Variants in SPAG16 observed in about 807,000 individuals in gnomAD.
SPAG16 encodes sperm-associated antigen 16 protein.
A neutral mutation model predicts 80.4 loss-of-function variants in SPAG16; 86 were observed. That is an observed-to-expected ratio of 1.07 (90% CI 0.90 to 1.28). The LOEUF is 1.28. SPAG16 is among the 50% of genes most tolerant of loss of function. The probability of loss-of-function intolerance (pLI) is 0.00; values close to 1 mark genes in which losing one functional copy is unlikely to be tolerated. For synonymous variants in SPAG16, 294 were observed against 265.9 expected (o/e 1.11, Z -1.03); for missense variants, 870 against 765.3 (o/e 1.14, Z -1.61).
intron 8 of SPAG16, among the ~76,000 whole-genome samples, chr2:213,371,061 T>C (rs779001201): frequency 6.6e-6 from 1 of 152,166 alleles, no homozygotes; most frequent in Non-Finnish European, 1.5e-5. Context: ...TGTGGTCCCT[T>C]AGACTCTGTC....
intron 10 of SPAG16, among the ~76,000 whole-genome samples, chr2:213,610,315 C>T (rs2125014111): frequency 6.6e-6 from 1 of 152,184 alleles, no homozygotes; most frequent in East Asian, 1.9e-4. Flanking sequence ...CTTGATGTAG[C>T]CAGGTTTTCT....
chr2:213,517,935 A>C (rs898208340), intron 10 of SPAG16, among the ~76,000 whole-genome samples: 2 of 152,238 alleles, frequency 1.3e-5, no homozygotes, highest in Admixed American at 1.3e-4. Context: ...GAACTTCAAC[A>C]AAAACAAAAA....
intron 15 of SPAG16, among the ~76,000 whole-genome samples, chr2:214,176,322 T>C (rs1286056593): frequency 6.6e-6 from 1 of 151,258 alleles, no homozygotes; most frequent in Non-Finnish European, 1.5e-5. Context: ...GTGCTATAGA[T>C]AGTCATCCAT....
Position 213,777,181 on chromosome 2 carries a change from T to G in SPAG16, c.1071-85304T>G, listed in dbSNP as rs376246820. Among the ~76,000 whole-genome samples, 10 of 151,502 alleles carry G rather than the reference T, an allele frequency of 6.6e-5. No individual in the cohort carries two copies. The East Asian group carries it at 1.7e-3, about 26-fold the overall frequency. ...TAAATTCAACTATTCTGACAATATA[T>G]TAATACTAACCCCAAATCTTCTGGT... On this transcript the variant is annotated intron_variant, in intron 10 of 15. Coordinates refer to ENST00000331683, the MANE Select transcript of SPAG16 (RefSeq NM_024532.5).
chr2:214,016,445 CAT>C (rs1231187506), intron 13 of SPAG16, among the ~76,000 whole-genome samples: 1 of 152,128 alleles, frequency 6.6e-6, no homozygotes, highest in African/African-American at 2.4e-5. Flanking sequence ...CCTCCCATGA[CAT>C]GTGGGGATTA....
At chr2:213,310,023 G>A (rs1481843648) in intron 3 of SPAG16, 36 bp from the exon 4 acceptor site, 3 of 1,331,152 alleles carry the variant, frequency 2.3e-6, no homozygotes. Flanking sequence ...ATGCTTTGAT[G>A]TTTTCAGAAT....
intron 14 of SPAG16, among the ~76,000 whole-genome samples, chr2:214,127,002 G>A (rs745727947): frequency 2.0e-5 from 3 of 151,780 alleles, no homozygotes; most frequent in Non-Finnish European, 2.9e-5. Flanking sequence ...GAATTCAGTA[G>A]ATAAAAATAT....
At chr2:213,593,869 G>A (rs1386041702) in intron 10 of SPAG16, among the ~76,000 whole-genome samples, 3 of 140,466 alleles carry the variant, frequency 2.1e-5, no homozygotes, top group African/African-American at 7.9e-5. Context: ...CCGCCTCCCC[G>A]GTTCCCGCTA....
chr2:214,337,923 G>T (rs1697408121), intron 15 of SPAG16, among the ~76,000 whole-genome samples: 1 of 151,480 alleles, frequency 6.6e-6, no homozygotes. Context: ...TTTTTTTCTA[G>T]CAAAGAACTT....
chr2:213,381,922 C>T (rs916502990), intron 9 of SPAG16, among the ~76,000 whole-genome samples: 4 of 152,150 alleles, frequency 2.6e-5, no homozygotes, highest in African/African-American at 7.2e-5. Context: ...TTTCTGTTCA[C>T]CTGAAGGCTT....
At chr2:214,380,634 A>G (rs1405092115) in intron 15 of SPAG16, among the ~76,000 whole-genome samples, 2 of 152,250 alleles carry the variant, frequency 1.3e-5, no homozygotes, top group Admixed American at 6.5e-5. Context: ...TAACACATAA[A>G]GAACTTAAAA....
intron 10 of SPAG16, among the ~76,000 whole-genome samples, chr2:213,527,278 TTC>T (rs1237471219): frequency 1.3e-5 from 2 of 152,218 alleles, no homozygotes; most frequent in Non-Finnish European, 2.9e-5. Context: ...ACTGGTTTGC[TTC>T]TTGTGAGTGT....
intron 9 of SPAG16, among the ~76,000 whole-genome samples, chr2:213,405,643 C>G (rs1458194180): frequency 6.6e-6 from 1 of 152,158 alleles, no homozygotes; most frequent in Non-Finnish European, 1.5e-5. Flanking sequence ...ACCTTCTTTT[C>G]CCAGTCTCTG....
chr2:214,207,537 T>C, intron 15 of SPAG16, among the ~76,000 whole-genome samples: 1 of 152,336 alleles, frequency 6.6e-6, no homozygotes, highest in Non-Finnish European at 1.5e-5. Flanking sequence ...GGTGGCCTTA[T>C]TTTCATTGAT....
At chr2:213,889,028 T>TA (rs1225891538) in intron 11 of SPAG16, among the ~76,000 whole-genome samples, 4 of 151,942 alleles carry the variant, frequency 2.6e-5, no homozygotes, top group Non-Finnish European at 5.9e-5. Context: ...AAATATTTAT[T>TA]AAAAAACCTT....
intron 10 of SPAG16, among the ~76,000 whole-genome samples, chr2:213,756,334 T>A (rs1384863849): frequency 6.6e-6 from 1 of 151,732 alleles, no homozygotes; most frequent in Non-Finnish European, 1.5e-5. Context: ...AATAAATAAA[T>A]AAAAATTAGC....
chr2:213,929,158 C>T (rs948984636), intron 11 of SPAG16, among the ~76,000 whole-genome samples: 29 of 151,704 alleles, frequency 1.9e-4, no homozygotes, highest in Non-Finnish European at 1.2e-4. Flanking sequence ...GGATTACAGG[C>T]GCACGCCACC....
intron 13 of SPAG16, among the ~76,000 whole-genome samples, chr2:214,040,297 T>A (rs1393834538): frequency 2.0e-5 from 3 of 152,146 alleles, no homozygotes; most frequent in Non-Finnish European, 4.4e-5. Flanking sequence ...TTTCTTCCAT[T>A]CTTTTAAACT....
At chr2:213,382,775 T>A (rs1457756338) in intron 9 of SPAG16, among the ~76,000 whole-genome samples, 1 of 152,216 alleles carries the variant, frequency 6.6e-6, no homozygotes, top group Non-Finnish European at 1.5e-5. Flanking sequence ...TTCCTGCTCA[T>A]CAGATCCATT....
Sources: allele counts gnomAD v4.1 joint callset (sites outside exome capture counted in the v4.1 genomes callset), GRCh38; gene constraint gnomAD v4.1.1; transcripts MANE v1.5; gene names NCBI Gene and HGNC (gene_info 2026-07-23, HGNC 2026-07-21).